The following PPHLN1 variants were observed in gnomAD, a reference collection of about 807,000 sequenced individuals.
The protein encoded by PPHLN1 is periphilin 1.
A neutral mutation model predicts 51.3 loss-of-function variants in PPHLN1; 29 were observed. The ratio of observed to expected loss-of-function variants is 0.57; its 90% CI spans 0.42 to 0.77. The LOEUF is 0.77. Ranked by LOEUF, PPHLN1 falls within the 30% of genes least tolerant of loss-of-function variation. The probability of loss-of-function intolerance (pLI) is 0.00; values close to 1 mark genes in which losing one functional copy is unlikely to be tolerated. For synonymous variants in PPHLN1, 147 were observed against 147.8 expected, an observed-to-expected ratio of 0.99 and a Z score of 0.04; for missense variants, 436 against 438.4, an observed-to-expected ratio of 0.99 and a Z score of 0.05.
chr12:42,338,378 G>A (rs973943318), intron 2 of PPHLN1, among the ~76,000 whole-genome samples: 1 of 152,206 alleles, frequency 6.6e-6, no homozygotes, highest in Non-Finnish European at 1.5e-5. Context: ...AAGATTGTAA[G>A]ATGAGTAGTG....
intron 9 of PPHLN1, among the ~76,000 whole-genome samples, chr12:42,429,862 G>A (rs1211875416): frequency 6.6e-6 from 1 of 152,136 alleles, no homozygotes; most frequent in Admixed American, 6.5e-5. Context: ...GAAAATTTTT[G>A]TATACCCATC....
intron 6 of PPHLN1, among the ~76,000 whole-genome samples, chr12:42,385,355 C>T (rs2077107322): frequency 6.6e-6 from 1 of 152,186 alleles, no homozygotes; most frequent in Admixed American, 6.5e-5. Context: ...GCTTTCTGCT[C>T]CCATTGTTGC....
chr12:42,358,402 G>A (rs1054849560), intron 4 of PPHLN1, among the ~76,000 whole-genome samples: 1 of 151,134 alleles, frequency 6.6e-6, no homozygotes, highest in Non-Finnish European at 1.5e-5. Context: ...GTCTTTTTTT[G>A]TTGTTTGTTT....
chr12:42,354,103 TTTTA>T (rs1447496822), intron 3 of PPHLN1, among the ~76,000 whole-genome samples: 1 of 152,204 alleles, frequency 6.6e-6, no homozygotes, highest in African/African-American at 2.4e-5. Flanking sequence ...AATGATTATA[TTTTA>T]TTTATATAAG....
intron 4 of PPHLN1, among the ~76,000 whole-genome samples, chr12:42,364,417 C>T (rs1304028914): frequency 1.3e-5 from 2 of 151,468 alleles, no homozygotes; most frequent in Non-Finnish European, 2.9e-5. Context: ...ATAGCTTCAG[C>T]CCAGAAGTTC....
At chr12:42,334,375 A>G (rs1437898299) in intron 1 of PPHLN1, among the ~76,000 whole-genome samples, 1 of 152,216 alleles carries the variant, frequency 6.6e-6, no homozygotes, top group Non-Finnish European at 1.5e-5. Flanking sequence ...AATTCATTAT[A>G]TTGGGTCTGT....
chr12:42,365,273 C>T (rs1019432087), intron 4 of PPHLN1, among the ~76,000 whole-genome samples: 6 of 152,138 alleles, frequency 3.9e-5, no homozygotes, highest in Non-Finnish European at 7.4e-5. Context: ...TTCTTGAAAT[C>T]GTAATTCTTT....
chr12:42,360,239 A>C (rs1005267672), intron 4 of PPHLN1, among the ~76,000 whole-genome samples: 3 of 151,950 alleles, frequency 2.0e-5, no homozygotes, highest in Admixed American at 6.6e-5. Context: ...ATCTGGGCTC[A>C]TAAATCACAT....
At chr12:42,410,028 C>T (rs1293512004) in intron 9 of PPHLN1, among the ~76,000 whole-genome samples, 1 of 152,080 alleles carries the variant, frequency 6.6e-6, no homozygotes, top group African/African-American at 2.4e-5. Context: ...TGATAATAAA[C>T]ATTTTTTAAA....
intron 9 of PPHLN1, among the ~76,000 whole-genome samples, chr12:42,430,450 A>G (rs908007871): frequency 2.0e-5 from 3 of 152,044 alleles, no homozygotes; most frequent in Admixed American, 1.3e-4. Flanking sequence ...CAGTTAACAC[A>G]TATTTTGTAT....
intron 4 of PPHLN1, among the ~76,000 whole-genome samples, chr12:42,364,237 TAATA>T (rs1488146184): frequency 6.6e-6 from 1 of 152,020 alleles, no homozygotes; most frequent in East Asian, 1.9e-4. Context: ...AATAAAATAA[TAATA>T]GTAATAAATC....
intron 1 of PPHLN1, among the ~76,000 whole-genome samples, chr12:42,331,325 A>G (rs1459555677): frequency 1.3e-5 from 2 of 152,232 alleles, no homozygotes; most frequent in Non-Finnish European, 2.9e-5. Flanking sequence ...ACTATAGCCT[A>G]AGTTGCTACT....
At chr12:42,335,002 C>T (rs1258774521) in intron 1 of PPHLN1, among the ~76,000 whole-genome samples, 1 of 152,154 alleles carries the variant, frequency 6.6e-6, no homozygotes, top group South Asian at 2.1e-4. Context: ...GAAAAATTTG[C>T]CAACTTCTGA....
chr12:42,361,133 G>A (rs1160107319), intron 4 of PPHLN1: 1 of 152,090 alleles, frequency 6.6e-6, no homozygotes, highest in Non-Finnish European at 1.5e-5. Flanking sequence ...GGTGAGATTT[G>A]GTCATAAAGG....
Position 42,385,442 on chromosome 12 carries a change from A to G in PPHLN1, c.568+446A>G, listed in dbSNP as rs1745103752. ...CTTCAGTGTTCCTTTGCTTTTGCACATGAAATTGGTTGATAACGACTTAAA... is the reference window on the plus strand; with the variant it reads ...CTTCAGTGTTCCTTTGCTTTTGCACGTGAAATTGGTTGATAACGACTTAAA... On this transcript the variant is annotated intron_variant, in intron 6 of 9. Transcript: ENST00000358314. 3.3e-5 allele frequency among the ~76,000 whole-genome samples: 5 copies of G among 152,216 alleles called. No individual in the cohort carries two copies. The South Asian group carries it at 1.0e-3, about 32-fold the overall frequency.
downstream of PPHLN1, chr12:42,443,977 A>G (rs1477396483): frequency 6.6e-6 from 1 of 152,210 alleles, no homozygotes; most frequent in Admixed American, 6.5e-5. Flanking sequence ...ATGTGTCAGT[A>G]TTATGTAAAT....
At chr12:42,358,730 G>A (rs990994854) in intron 4 of PPHLN1, among the ~76,000 whole-genome samples, 8 of 152,150 alleles carry the variant, frequency 5.3e-5, no homozygotes, top group African/African-American at 1.9e-4. Context: ...TAATGGTCAA[G>A]TAATAGTCCA....
At chr12:42,408,834 C>A (rs936257420) in intron 9 of PPHLN1, among the ~76,000 whole-genome samples, 1 of 152,130 alleles carries the variant, frequency 6.6e-6, no homozygotes, top group Non-Finnish European at 1.5e-5. Context: ...ACTGATAAGT[C>A]ACACTGAGAA....
At chr12:42,446,114 C>CT, downstream of PPHLN1, 1 of 1,558,328 alleles carries the variant, frequency 6.4e-7, no homozygotes, top group East Asian at 2.4e-5. Context: ...CCGGAAGAAA[C>CT]GGGTTCGTCG....
Sources: gnomAD v4.1 joint callset for allele counts (sites outside exome capture counted in the v4.1 genomes callset) on GRCh38, gnomAD v4.1.1 for gene constraint, MANE v1.5 for transcripts, NCBI Gene and HGNC (gene_info 2026-07-23, HGNC 2026-07-21) for gene names.